Variants in IRAG2 observed in about 807,000 individuals in gnomAD.
IRAG2 encodes inositol 1,4,5-triphosphate receptor associated 2.
Under a neutral mutation model 69.9 loss-of-function variants are expected in IRAG2, and 45 were observed. That is an observed-to-expected ratio of 0.64 (90% CI 0.51 to 0.83). The LOEUF is 0.83. IRAG2 is among the 40% of genes least tolerant of loss of function. The pLI, the probability that IRAG2 is intolerant of heterozygous loss-of-function variation, is 0.00. For synonymous variants in IRAG2, 193 were observed against 202.4 expected, an observed-to-expected ratio of 0.95 and a Z score of 0.40; for missense variants, 520 against 587.0, an observed-to-expected ratio of 0.89 and a Z score of 1.18.
Position 25,062,851 on chromosome 12 carries a change from A to T in IRAG2, c.-353A>T. ...TTAGATGAGGAATTTCCTCACTATGATTCCCTGTCCTGCGCAGATGCAATT... is the reference window on the plus strand; with the variant it reads ...TTAGATGAGGAATTTCCTCACTATGTTTCCCTGTCCTGCGCAGATGCAATT... On this transcript the variant is annotated 5_prime_UTR_variant, in exon 3 of 22. Transcript: ENST00000556887. The T allele has an allele frequency of 2.5e-6, 1 of 398,994 alleles. No individual in the cohort carries two copies. 24.7% of individuals were successfully genotyped at this position (398,994 alleles called of 1,614,324 possible). A position where few individuals can be genotyped will look rare whatever the true frequency, so the allele number is the denominator to read the frequency against.
At chr12:25,035,924 G>T in intron 14 of IRAG2, 1 of 396,506 alleles carries the variant, frequency 2.5e-6, no homozygotes, top group East Asian at 3.6e-5. Flanking sequence ...TCTGAAAAGC[G>T]AAGGTTTTTC....
intron 10 of IRAG2, among the ~76,000 whole-genome samples, chr12:25,087,893 G>T (rs1344908898): frequency 6.6e-6 from 1 of 152,154 alleles, no homozygotes; most frequent in Non-Finnish European, 1.5e-5. Flanking sequence ...AGGTGGAACA[G>T]GTTCCTTCAG....
intron 7 of IRAG2, chr12:25,023,827 A>C: frequency 9.5e-7 from 1 of 1,048,290 alleles, no homozygotes; most frequent in Non-Finnish European, 1.2e-6. Flanking sequence ...TATTTTCATA[A>C]ACATCTTAAA....
chr12:25,076,365 AACT>A (rs1485361091), intron 6 of IRAG2: 15 of 946,968 alleles, frequency 1.6e-5, no homozygotes, highest in Non-Finnish European at 1.9e-5. Context: ...AAAGACTTCT[AACT>A]ACAATGTTTC....
At chr12:25,009,484 A>G (rs1944457985) in intron 2 of IRAG2, among the ~76,000 whole-genome samples, 1 of 152,232 alleles carries the variant, frequency 6.6e-6, no homozygotes, top group Non-Finnish European at 1.5e-5. Flanking sequence ...AGAAAATAAG[A>G]AAGCTTCACT....
upstream of IRAG2, among the ~76,000 whole-genome samples, chr12:25,047,886 T>A (rs770594293): frequency 1.3e-4 from 20 of 152,226 alleles, no homozygotes; most frequent in Admixed American, 1.1e-3. Context: ...GTTGACTCCA[T>A]GTCTTTGCTA....
chr12:25,104,242 T>C (rs1409504572), intron 19 of IRAG2, 119 bp from the exon 20 acceptor site: 3 of 786,902 alleles, frequency 3.8e-6, no homozygotes, highest in Non-Finnish European at 5.9e-6. Context: ...TCTGTGAATG[T>C]GCCAAGAAAA....
chr12:25,023,139 A>G (rs1944595996), intron 7 of IRAG2, among the ~76,000 whole-genome samples: 1 of 151,894 alleles, frequency 6.6e-6, no homozygotes, highest in African/African-American at 2.4e-5. Flanking sequence ...AAAAAAAAAA[A>G]AAAAAAGAAA....
chr12:25,057,623 TC>T (rs1304177393), intron 1 of IRAG2, among the ~76,000 whole-genome samples: 2 of 152,202 alleles, frequency 1.3e-5, no homozygotes, highest in Non-Finnish European at 2.9e-5. Context: ...ATTATTTTGT[TC>T]TTATACTTTT....
Position 25,090,070 on chromosome 12 carries a change from G to C in IRAG2, c.479G>C (p.Arg160Thr), listed in dbSNP as rs1460738436. 6.2e-6 allele frequency: 10 copies of C among 1,613,860 alleles called. No individual in the cohort carries two copies. The highest frequency in any genetic ancestry group is 8.5e-6 in the Non-Finnish European group (10 of 1,179,914). ...TTTTGACAACAGGCAGAATTTCTCA[G>C]ATTATCTTTGGGATTTAAGTGTGAC... ...NEKEVEAEFL[R>T]LSLGFKCDWF... The change falls in exon 14 of 22, where the codon AGA (arginine) becomes ACA (threonine). Residue 160 changes from arginine (R) to threonine (T), a missense_variant. Transcript: ENST00000556887.
At position 25,097,059 on chromosome 12, in the gene IRAG2, T is replaced by C. The variant is rs776643850; in HGVS notation, c.741+15T>C. On this transcript the variant is annotated intron_variant, in intron 15 of 21. Coordinates refer to ENST00000556887, the MANE Select transcript of IRAG2 (RefSeq NM_001366544.2). ...CCATCAATCAGGTAACCTGTCTTCA[T>C]TTCTCTAGTTAGAATGAAATTACAA... 2 of 1,582,712 alleles carry C rather than the reference T, an allele frequency of 1.3e-6. No individual in the cohort carries two copies. Among genetic ancestry groups the C allele is most frequent in the South Asian group, 2.3e-5 (2 of 85,460 alleles).
intron 3 of IRAG2, chr12:25,011,682 G>C: frequency 1.7e-6 from 1 of 591,390 alleles, no homozygotes; most frequent in Non-Finnish European, 2.5e-6. Flanking sequence ...AGAATCACCT[G>C]AATGATGTTA....
rs114302293 is a variant in IRAG2 at position 25,095,403 on chromosome 12, A to G, written c.607-1507A>G. The stretch of plus-strand genomic sequence containing the variant: ...TTCTTCTGCATCAGTTGAAATGACT[A>G]TATGGTTTTTGTCCTCCTTTTTGTT... On this transcript the variant is annotated intron_variant, in intron 14 of 21. Transcript: ENST00000556887. Among the ~76,000 whole-genome samples the G allele has an allele frequency of 1.8e-3, 269 of 152,150 alleles. 1 individual carries two copies. The highest frequency in any genetic ancestry group is 6.1e-3 in the African/African-American group (253 of 41,536).
chr12:25,065,898 G>A (rs912020174), intron 4 of IRAG2, among the ~76,000 whole-genome samples: 14 of 152,174 alleles, frequency 9.2e-5, no homozygotes, highest in African/African-American at 3.4e-4. Flanking sequence ...TCAAACTCCT[G>A]AGCTCAAGCA....
upstream of IRAG2, among the ~76,000 whole-genome samples, chr12:25,050,435 A>C (rs1944837426): frequency 6.6e-6 from 1 of 150,816 alleles, no homozygotes. Context: ...AGGCTGAGGC[A>C]GGGGAATCGC....
Position 25,071,317 on chromosome 12 carries a change from G to A in IRAG2, c.24+1886G>A, listed in dbSNP as rs187125254. ...GCCGAGATTGCGCCACTGCACTCCA[G>A]CCTGGGTAACAGGAAAAGACTCCAT... On this transcript the variant is annotated intron_variant, in intron 6 of 21. Coordinates refer to ENST00000556887, the MANE Select transcript of IRAG2 (RefSeq NM_001366544.2). Among the ~76,000 whole-genome samples the A allele has an allele frequency of 3.9e-3, 590 of 152,210 alleles. 2 individuals carry two copies. Among genetic ancestry groups the A allele is most frequent in the Admixed American group, 0.012 (189 of 15,282 alleles).
chr12:25,005,168 CAAA>C (rs59249841), intron 1 of IRAG2: 98 of 668,522 alleles, frequency 1.5e-4, no homozygotes, highest in South Asian at 4.5e-4. Context: ...TTTGTTAAAC[CAAA>C]AAAAAAAAAG....
In IRAG2 at chr12:25,052,847, A is replaced by T; in HGVS notation, c.-556A>T. 1 of 398,666 alleles carries T rather than the reference A, an allele frequency of 2.5e-6. No homozygotes were observed. The highest frequency in any genetic ancestry group is 4.4e-6 in the Non-Finnish European group (1 of 226,084). 24.7% of individuals were successfully genotyped at this position (398,666 alleles called of 1,614,324 possible). On this transcript the variant is annotated 5_prime_UTR_variant, in exon 1 of 22. Coordinates refer to ENST00000556887, the MANE Select transcript of IRAG2 (RefSeq NM_001366544.2). ...CTGCCAGTGAAAAAGCTACGTCTTT[A>T]CTGCATAAATTAGAGGAAGCAATTT... is the stretch of plus-strand genomic sequence containing the variant.
Position 25,103,842 on chromosome 12 carries a change from T to G in IRAG2, c.939T>G (p.Ser313=). ...CATTTTCCTCCTTCTGGTAGCCATC[T>G]TCTCTACGAAGAGTGACTATTGCCT... ...KRSASLNSKP[S]SLRRVTIASL... The change falls in exon 18 of 22, where the codon TCT becomes TCG. Residue 313 remains serine (S), a synonymous_variant. Coordinates refer to ENST00000556887, the MANE Select transcript of IRAG2 (RefSeq NM_001366544.2). 2 of 1,611,298 alleles carry G rather than the reference T, an allele frequency of 1.2e-6. No individual in the cohort carries two copies. The highest frequency in any genetic ancestry group is 1.7e-6 in the Non-Finnish European group (2 of 1,177,814).
Sources: gnomAD v4.1 joint callset for allele counts (sites outside exome capture counted in the v4.1 genomes callset) on GRCh38, gnomAD v4.1.1 for gene constraint, MANE v1.5 for transcripts, NCBI Gene and HGNC (gene_info 2026-07-23, HGNC 2026-07-21) for gene names.